UBR1: variants seen among roughly 807,000 people sequenced by gnomAD.
The protein encoded by UBR1 is E3 ubiquitin-protein ligase UBR1.
A neutral mutation model predicts 242.1 loss-of-function variants in UBR1; 102 were observed. The ratio of observed to expected loss-of-function variants is 0.42; its 90% CI spans 0.36 to 0.50. The LOEUF (loss-of-function observed/expected upper bound fraction) is 0.50. UBR1 is among the 20% of genes least tolerant of loss of function. The probability of loss-of-function intolerance (pLI) is 0.01; values close to 1 mark genes in which losing one functional copy is unlikely to be tolerated. For missense variants in UBR1, 1,772 were observed against 2,101.8 expected (o/e 0.84, Z 3.07); for synonymous variants, 675 against 684.8 (o/e 0.99, Z 0.22).
intron 3 of UBR1, among the ~76,000 whole-genome samples, chr15:43,077,488 A>G (rs2033921088): frequency 6.6e-6 from 1 of 151,518 alleles, no homozygotes; most frequent in South Asian, 2.1e-4. Context: ...CCTAATCTTA[A>G]GTACCCAGGG....
chr15:42,950,050 G>A (rs2031804515), intron 46 of UBR1, among the ~76,000 whole-genome samples: 1 of 151,762 alleles, frequency 6.6e-6, no homozygotes, highest in Admixed American at 6.6e-5. Context: ...TGTTGGCCAG[G>A]CTGGTCTCAA....
Position 43,017,135 on chromosome 15 carries a change from A to G in UBR1, c.2987T>C (p.Val996Ala). Residue 996 changes from valine (V) to alanine (A), a missense_variant, in exon 28 of 47, where the codon GTA (valine) becomes GCA (alanine). Val to Ala is a moderately conservative substitution (Grantham distance 64, BLOSUM62 0). Transcript: ENST00000290650. ...AGATTCCGATCCTGATGTGGTTGCT[A>G]CAATTAAACAAGATTTTTCTCTTAA... ...KRLREKSCLI[V>A]ATTSGSESIK... The G allele has an allele frequency of 6.2e-7, 1 of 1,613,828 alleles. No homozygotes were observed. Among genetic ancestry groups the G allele is most frequent in the South Asian group, 1.1e-5 (1 of 91,072 alleles).
chr15:43,017,047 G>A (rs745855728), intron 28 of UBR1, 48 bp downstream of exon 28: 1 of 1,481,102 alleles, frequency 6.8e-7, no homozygotes, highest in African/African-American at 1.4e-5. Context: ...AAAGTTCAAA[G>A]ACAGAGATGA....
chr15:43,051,540 T>G (rs1439452733), intron 12 of UBR1, among the ~76,000 whole-genome samples: 2 of 152,140 alleles, frequency 1.3e-5, no homozygotes, highest in Non-Finnish European at 2.9e-5. Context: ...TTTACCTATG[T>G]AACAAGCCTG....
intron 19 of UBR1, among the ~76,000 whole-genome samples, chr15:43,034,102 T>C (rs1327356248): frequency 6.6e-6 from 1 of 152,024 alleles, no homozygotes; most frequent in Admixed American, 6.6e-5. Flanking sequence ...CTGGGCATGG[T>C]GGTGCACACC....
chr15:42,994,934 C>T (rs2032612858), intron 33 of UBR1, among the ~76,000 whole-genome samples: 1 of 152,168 alleles, frequency 6.6e-6, no homozygotes, highest in Non-Finnish European at 1.5e-5. Flanking sequence ...GTCACTTGCT[C>T]AAAAATTTTT....
intron 27 of UBR1, among the ~76,000 whole-genome samples, chr15:43,020,142 C>G (rs967295989): frequency 6.6e-6 from 1 of 152,010 alleles, no homozygotes; most frequent in Admixed American, 6.6e-5. Flanking sequence ...CTGGTTCAAG[C>G]AATTCTCCTG....
In UBR1 at chr15:42,970,484, T is replaced by C. The variant is rs531001766; in HGVS notation, c.4457+36A>G. 1.9e-6 allele frequency: 3 copies of C among 1,581,546 alleles called. No individual in the cohort carries two copies. In the African/African-American group the frequency reaches 4.0e-5, roughly 21 times the overall value. On this transcript the variant is annotated intron_variant, in intron 40 of 46. Transcript: ENST00000290650. ...CAAACAACTGAACAAGAAATGGAAT[T>C]ATTACAATAGACTGAACTAATGGAT...
Position 43,035,845 on chromosome 15 carries a change from C to T in UBR1, c.2190+333G>A, listed in dbSNP as rs140344673. On this transcript the variant is annotated intron_variant, in intron 19 of 46. Transcript: ENST00000290650. ...GGATCCAGAACAAAAAACCAAACAC[C>T]GCATATTCTCACTCATAGGTGGGAA... Among the ~76,000 whole-genome samples the T allele has an allele frequency of 3.6e-3, 534 of 148,760 alleles. 2 individuals carry two copies. The highest frequency in any genetic ancestry group is 0.012 in the African/African-American group (495 of 40,260).
intron 26 of UBR1, among the ~76,000 whole-genome samples, chr15:43,022,440 A>AC: frequency 6.6e-6 from 1 of 152,184 alleles, no homozygotes; most frequent in Non-Finnish European, 1.5e-5. Context: ...GCAACCAAAA[A>AC]AAAAAAAAAG....
At chr15:43,066,748 C>T (rs1391185305) in intron 6 of UBR1, among the ~76,000 whole-genome samples, 1 of 152,116 alleles carries the variant, frequency 6.6e-6, no homozygotes, top group Non-Finnish European at 1.5e-5. Flanking sequence ...AAATGAAGAA[C>T]TGAACTGCAT....
rs1269984047 is a variant in UBR1, at chr15:42,983,927, T to A, written c.4120A>T (p.Ile1374Leu). ...AQRITCPQVL[I>L]QKHLVRLLSV... is the part of the protein sequence containing the mutation. Reference sequence around the variant, plus strand: ...AGAAGACGAACCAGATGTTTCTGTATCAGGACCTGAGGACAGGTAATCCTC... The same window carrying A: ...AGAAGACGAACCAGATGTTTCTGTAACAGGACCTGAGGACAGGTAATCCTC... Residue 1374 changes from isoleucine to leucine, a missense_variant, in exon 37 of 47, where the codon ATA becomes TTA. Physicochemically the swap from Ile to Leu is conservative, Grantham distance 5. Transcript: ENST00000290650. 8 of 1,613,050 alleles carry A rather than the reference T, an allele frequency of 5.0e-6. No homozygotes were observed. The highest frequency in any genetic ancestry group is 4.0e-5 in the African/African-American group (3 of 74,868).
Position 43,027,652 on chromosome 15 carries a change from A to G in UBR1, c.2432+124T>C. 3.4e-5 allele frequency: 28 copies of G among 827,920 alleles called. No individual in the cohort carries two copies. The South Asian group carries it at 4.3e-4, about 13-fold the overall frequency. 51.3% of individuals were successfully genotyped at this position (827,920 alleles called of 1,614,324 possible). On this transcript the variant is annotated intron_variant, in intron 22 of 46. Coordinates refer to ENST00000290650, the MANE Select transcript of UBR1 (RefSeq NM_174916.3). Reference sequence around the variant, plus strand: ...GAGCCCCTCATTCTCACCCTTTCTAATCTGTATTCCACTCTTATTCTTGGG... The same window carrying G: ...GAGCCCCTCATTCTCACCCTTTCTAGTCTGTATTCCACTCTTATTCTTGGG...
intron 6 of UBR1, among the ~76,000 whole-genome samples, chr15:43,066,518 T>G (rs1567141729): frequency 6.6e-6 from 1 of 152,212 alleles, no homozygotes; most frequent in Non-Finnish European, 1.5e-5. Flanking sequence ...GGTAGTTTAA[T>G]GGGAATAACA....
At chr15:43,067,103 G>C (rs2033763030) in intron 6 of UBR1, among the ~76,000 whole-genome samples, 1 of 152,154 alleles carries the variant, frequency 6.6e-6, no homozygotes, top group African/African-American at 2.4e-5. Context: ...ATGAGTATCA[G>C]TCTCAAAGAG....
chr15:43,076,678 G>A (rs1338327350), intron 3 of UBR1, among the ~76,000 whole-genome samples: 4 of 140,808 alleles, frequency 2.8e-5, no homozygotes, highest in Non-Finnish European at 6.2e-5. Context: ...CAACCGCCCC[G>A]TCTGAGAAGT....
At position 43,002,599 on chromosome 15, in the gene UBR1, A is replaced by G; in HGVS notation, c.3615T>C (p.Asn1205=). The G allele has an allele frequency of 1.2e-6, 2 of 1,614,176 alleles. No homozygotes were observed. The highest frequency in any genetic ancestry group is 1.7e-6 in the Non-Finnish European group (2 of 1,180,030). ...GCAAAGGAATAATGGGGATCACAGT[A>G]TTGCACAGAGATTTGCAAAGAGGGC... ...YLCPLCKSLC[N]TVIPIIPLQP... Residue 1205 remains asparagine (N), a synonymous_variant, in exon 32 of 47, where the codon AAT becomes AAC. Coordinates refer to ENST00000290650, the MANE Select transcript of UBR1 (RefSeq NM_174916.3).
chr15:43,092,703 G>A (rs1391381417), intron 1 of UBR1, among the ~76,000 whole-genome samples: 2 of 152,098 alleles, frequency 1.3e-5, no homozygotes, highest in Non-Finnish European at 2.9e-5. Context: ...ACGGGCGCGT[G>A]CCACCCCAAC....
chr15:43,044,751 C>T (rs1191720824), intron 14 of UBR1, among the ~76,000 whole-genome samples: 7 of 152,002 alleles, frequency 4.6e-5, no homozygotes, highest in African/African-American at 7.2e-5. Flanking sequence ...ACAAATTAGC[C>T]GGGTGTGGTG....
Sources: gnomAD v4.1 joint callset for allele counts (sites outside exome capture counted in the v4.1 genomes callset) on GRCh38, gnomAD v4.1.1 for gene constraint, MANE v1.5 for transcripts, NCBI Gene and HGNC (gene_info 2026-07-23, HGNC 2026-07-21) for gene names.